Variants in EPB41L2 observed in about 807,000 individuals in gnomAD.
EPB41L2 encodes the protein band 4.1-like protein 2.
EPB41L2 carries 43 observed loss-of-function variants against 113.0 expected under a neutral mutation model. The ratio of observed to expected loss-of-function variants is 0.38; its 90% CI spans 0.30 to 0.49. The LOEUF is 0.49. Ranked by LOEUF, EPB41L2 falls within the 20% of genes least tolerant of loss-of-function variation. The pLI is 0.95. For missense variants in EPB41L2, 1,147 were observed against 1,223.4 expected, an observed-to-expected ratio of 0.94 and a Z score of 0.93; for synonymous variants, 442 against 436.7, an observed-to-expected ratio of 1.01 and a Z score of -0.15.
chr6:130,912,386 A>G (rs747217179), intron 4 of EPB41L2, among the ~76,000 whole-genome samples: 1 of 152,234 alleles, frequency 6.6e-6, no homozygotes, highest in Non-Finnish European at 1.5e-5. Flanking sequence ...ATTAAAAAGT[A>G]AAACAGTAAG....
intron 1 of EPB41L2, among the ~76,000 whole-genome samples, chr6:131,050,548 A>T (rs902435354): frequency 6.6e-6 from 1 of 152,214 alleles, no homozygotes; most frequent in Non-Finnish European, 1.5e-5. Context: ...CCTCACAGTC[A>T]CTACTGACTC....
At chr6:130,927,999 G>A (rs1459331440) in intron 3 of EPB41L2, among the ~76,000 whole-genome samples, 3 of 152,054 alleles carry the variant, frequency 2.0e-5, no homozygotes, top group Non-Finnish European at 4.4e-5. Flanking sequence ...AGGCTGGGGT[G>A]GAAGGATTGC....
chr6:130,950,537 C>T (rs1006582090), intron 3 of EPB41L2, among the ~76,000 whole-genome samples: 3 of 151,728 alleles, frequency 2.0e-5, no homozygotes, highest in African/African-American at 7.3e-5. Context: ...AAAACAAAAA[C>T]TACCTTCCAC....
At chr6:130,930,166 C>A (rs1806321346) in intron 3 of EPB41L2, among the ~76,000 whole-genome samples, 2 of 152,108 alleles carry the variant, frequency 1.3e-5, no homozygotes, top group Admixed American at 1.3e-4. Flanking sequence ...TGCAAAAACC[C>A]TGTTTCCCAT....
intron 1 of EPB41L2, among the ~76,000 whole-genome samples, chr6:131,031,849 T>C (rs1002758513): frequency 6.6e-6 from 1 of 152,246 alleles, no homozygotes; most frequent in African/African-American, 2.4e-5. Flanking sequence ...AAATGCTATG[T>C]TAATGTTAAC....
chr6:130,994,669 A>G lies in EPB41L2; in HGVS notation c.-14-38170T>C, dbSNP rs79465562. Among the ~76,000 whole-genome samples, 151 of 152,284 alleles carry G rather than the reference A, an allele frequency of 9.9e-4. 1 individual carries two copies. The highest frequency in any genetic ancestry group is 3.5e-3 in the African/African-American group (145 of 41,552). On this transcript the variant is annotated intron_variant, in intron 1 of 19. Transcript: ENST00000337057. ...CTACACTCACTGAAAGGATATATAC[A>G]TGTTTATATATTATACTTAAACATA...
At chr6:130,931,272 C>T (rs1266621432) in intron 3 of EPB41L2, among the ~76,000 whole-genome samples, 1 of 151,962 alleles carries the variant, frequency 6.6e-6, no homozygotes, top group African/African-American at 2.4e-5. Flanking sequence ...ATTATTTATA[C>T]TCAACATATA....
At chr6:130,960,097 G>C (rs1818837383) in intron 1 of EPB41L2, among the ~76,000 whole-genome samples, 2 of 152,230 alleles carry the variant, frequency 1.3e-5, no homozygotes, top group South Asian at 4.1e-4. Flanking sequence ...TATTATCCCT[G>C]TTTTACAAAT....
intron 1 of EPB41L2, among the ~76,000 whole-genome samples, chr6:131,030,659 T>C (rs1055175319): frequency 1.3e-5 from 2 of 152,230 alleles, no homozygotes; most frequent in African/African-American, 4.8e-5. Flanking sequence ...ATGATTCCAC[T>C]AGGCCCATTT....
At chr6:130,870,940 A>G (rs1199933692) in intron 14 of EPB41L2, among the ~76,000 whole-genome samples, 1 of 152,192 alleles carries the variant, frequency 6.6e-6, no homozygotes, top group Non-Finnish European at 1.5e-5. Context: ...TAGGTTGGCA[A>G]AGGCTATATT....
intron 1 of EPB41L2, among the ~76,000 whole-genome samples, chr6:131,011,452 T>C (rs1786951231): frequency 6.6e-6 from 1 of 152,258 alleles, no homozygotes; most frequent in Non-Finnish European, 1.5e-5. Flanking sequence ...TTTGTAGATA[T>C]TAACTGAGAA....
chr6:131,029,327 CA>C lies in EPB41L2; in HGVS notation c.-15+33827del, dbSNP rs370154710. 3.5e-5 allele frequency among the ~76,000 whole-genome samples: 5 copies of C among 141,376 alleles called. No individual in the cohort carries two copies. The South Asian group carries it at 6.7e-4, about 19-fold the overall frequency. The allele number at this position is 141,376 out of a possible 152,430, so 92.7% of individuals were successfully genotyped here. A position where few individuals can be genotyped will look rare whatever the true frequency, so the allele number is the denominator to read the frequency against. On this transcript the variant is annotated intron_variant, in intron 1 of 19. Coordinates refer to ENST00000337057, the MANE Select transcript of EPB41L2 (RefSeq NM_001431.4). ...TTCTGTTTTGCTTAGGACTGAAAAG[CA>C]TAACAGTTTAGGGTTTTGCAAAAAC...
chr6:130,996,889 T>TTATATAAAA (rs1783259919), intron 1 of EPB41L2, among the ~76,000 whole-genome samples: 1 of 152,198 alleles, frequency 6.6e-6, no homozygotes, highest in Admixed American at 6.5e-5. Flanking sequence ...TTTTCAAAAA[T>TTATATAAAA]TTAAATAAAG....
intron 4 of EPB41L2, among the ~76,000 whole-genome samples, chr6:130,922,262 A>T (rs765847467): frequency 1.3e-5 from 2 of 152,218 alleles, no homozygotes; most frequent in Non-Finnish European, 2.9e-5. Context: ...ACAATATAAT[A>T]GAAATGACAA....
chr6:130,938,255 T>C (rs1312820194), intron 3 of EPB41L2, among the ~76,000 whole-genome samples: 1 of 152,238 alleles, frequency 6.6e-6, no homozygotes, highest in African/African-American at 2.4e-5. Flanking sequence ...CCACTTCATT[T>C]TGAGATATCT....
rs376054198 is a variant in EPB41L2 at position 131,029,202 on chromosome 6, C to T, written c.-15+33953G>A. Among the ~76,000 whole-genome samples the T allele has an allele frequency of 7.2e-5, 11 of 152,140 alleles. No homozygotes were observed. The East Asian group carries it at 2.1e-3, about 29-fold the overall frequency. ...TTCCTCCCTAACATCTCTCTACTTCCCAAAATTCTGGTAAGGAAATACAAG... is the reference window on the plus strand; with the variant it reads ...TTCCTCCCTAACATCTCTCTACTTCTCAAAATTCTGGTAAGGAAATACAAG... On this transcript the variant is annotated intron_variant, in intron 1 of 19. Coordinates refer to ENST00000337057, the MANE Select transcript of EPB41L2 (RefSeq NM_001431.4).
intron 5 of EPB41L2, among the ~76,000 whole-genome samples, chr6:130,905,083 C>T (rs902452772): frequency 6.6e-6 from 1 of 152,038 alleles, no homozygotes; most frequent in Admixed American, 6.6e-5. Flanking sequence ...TACTTTAGGA[C>T]AATACAATTA....
intron 3 of EPB41L2, among the ~76,000 whole-genome samples, chr6:130,935,185 T>G (rs1808371911): frequency 6.6e-6 from 1 of 152,166 alleles, no homozygotes; most frequent in South Asian, 2.1e-4. Context: ...CACACTAGAC[T>G]AGAACAGACT....
chr6:130,880,193 C>G lies in EPB41L2; in HGVS notation c.1847G>C (p.Arg616Thr), dbSNP rs200832085. 50 of 1,609,294 alleles carry G rather than the reference C, an allele frequency of 3.1e-5. No homozygotes were observed. The highest frequency in any genetic ancestry group is 3.5e-5 in the Non-Finnish European group (41 of 1,175,942). ...GACATAAATATTATCCCCTTCTACT[C>G]TCAAGGAATTTTTCTGTGAAATTAA... Reference protein sequence around the residue: ...QLIEGKKNSLRVEGDNIYVRH... With the variant: ...QLIEGKKNSLTVEGDNIYVRH... Residue 616 changes from arginine to threonine, a missense_variant, in exon 13 of 20, where the codon AGA becomes ACA. Coordinates refer to ENST00000337057, the MANE Select transcript of EPB41L2 (RefSeq NM_001431.4).
Sources: gnomAD v4.1 joint callset for allele counts (sites outside exome capture counted in the v4.1 genomes callset) on GRCh38, gnomAD v4.1.1 for gene constraint, MANE v1.5 for transcripts, NCBI Gene and HGNC (gene_info 2026-07-23, HGNC 2026-07-21) for gene names.